LRRC49: variants seen among roughly 807,000 people sequenced by gnomAD.
LRRC49 encodes leucine-rich repeat-containing protein 49.
LRRC49 carries 50 observed loss-of-function variants against 83.3 expected under a neutral mutation model. That is an observed-to-expected ratio of 0.60 (90% CI 0.48 to 0.76). The LOEUF is 0.76. Ranked by LOEUF, LRRC49 falls within the 30% of genes least tolerant of loss-of-function variation. The probability of loss-of-function intolerance (pLI) is 0.00; values close to 1 mark genes in which losing one functional copy is unlikely to be tolerated. For missense variants in LRRC49, 704 were observed against 809.1 expected (o/e 0.87, Z 1.58); for synonymous variants, 286 against 283.3 (o/e 1.01, Z -0.10).
At chr15:70,878,730 G>T (rs748140946) in intron 2 of LRRC49, among the ~76,000 whole-genome samples, 1 of 152,170 alleles carries the variant, frequency 6.6e-6, no homozygotes, top group East Asian at 1.9e-4. Context: ...TTTCTCTTTC[G>T]TTCTCTTAAT....
At chr15:70,871,802 G>C (rs1446472529) in intron 1 of LRRC49, among the ~76,000 whole-genome samples, 3 of 150,494 alleles carry the variant, frequency 2.0e-5, no homozygotes, top group African/African-American at 4.9e-5. Flanking sequence ...CAGACGGGGC[G>C]GGGGGGTAGA....
chr15:71,015,818 T>C (rs2038806737), intron 14 of LRRC49, among the ~76,000 whole-genome samples: 1 of 152,240 alleles, frequency 6.6e-6, no homozygotes, highest in African/African-American at 2.4e-5. Context: ...TAATTTTCTT[T>C]ACATGAGCAC....
intron 2 of LRRC49, among the ~76,000 whole-genome samples, chr15:70,879,246 T>C (rs1352233997): frequency 1.3e-5 from 2 of 152,226 alleles, no homozygotes; most frequent in African/African-American, 4.8e-5. Context: ...TCCTCATGTC[T>C]CTTCATTATG....
chr15:70,854,115 G>A, intron 1 of LRRC49: 1 of 1,237,834 alleles, frequency 8.1e-7, no homozygotes, highest in Non-Finnish European at 1.0e-6. Context: ...GCGCCGCCGG[G>A]GTCCTCACGC....
At position 70,859,892 on chromosome 15, in the gene LRRC49, C is replaced by T. The variant is rs968545346; in HGVS notation, c.-299+6423C>T. The T allele has an allele frequency of 9.1e-6, 7 of 768,884 alleles. No homozygotes were observed. The African/African-American group carries it at 1.2e-4, about 13-fold the overall frequency. The allele number at this position is 768,884 out of a possible 1,614,324, so 47.6% of individuals were successfully genotyped here. On this transcript the variant is annotated intron_variant, in intron 1 of 16. Transcript: ENST00000544974. ...CATCAAAACTGCCACCTACAGGAAG[C>T]TGCTGGAGGGTGAGGAGAGCCGGCT... is the stretch of plus-strand genomic sequence containing the variant.
chr15:71,004,375 G>A (rs2038378680), intron 11 of LRRC49, among the ~76,000 whole-genome samples: 1 of 152,106 alleles, frequency 6.6e-6, no homozygotes, highest in African/African-American at 2.4e-5. Context: ...CAATCTAAAT[G>A]CCCATCAGTG....
At chr15:70,857,673 C>T (rs1041984387) in intron 1 of LRRC49, among the ~76,000 whole-genome samples, 1 of 152,158 alleles carries the variant, frequency 6.6e-6, no homozygotes, top group African/African-American at 2.4e-5. Context: ...CTAGGAAAGA[C>T]AGCCTTCAAT....
chr15:70,882,667 A>G lies in LRRC49; in HGVS notation c.18+9444A>G, dbSNP rs150292756. The G allele has an allele frequency of 2.4e-3, 3,942 of 1,612,760 alleles. 104 individuals are homozygous for G. In the African/African-American group the frequency reaches 0.046, roughly 19 times the overall value. Reference sequence around the variant, plus strand: ...CTTGAATACCTGAAAGAGAATAAGCATAAGTACCTATGAGTTAGACTTTGC... The same window carrying G: ...CTTGAATACCTGAAAGAGAATAAGCGTAAGTACCTATGAGTTAGACTTTGC... On this transcript the variant is annotated intron_variant, in intron 2 of 16. Transcript: ENST00000544974.
intron 2 of LRRC49, among the ~76,000 whole-genome samples, chr15:70,879,707 C>T (rs78009201): frequency 0.029 from 4,396 of 152,254 alleles, 214 homozygotes; most frequent in African/African-American, 0.1. Flanking sequence ...TTCACTCTGG[C>T]AGCACTGAAT....
intron 8 of LRRC49, among the ~76,000 whole-genome samples, chr15:70,946,377 A>G (rs1332788114): frequency 2.0e-5 from 3 of 152,290 alleles, no homozygotes; most frequent in Middle Eastern, 6.8e-3. Context: ...TTCACTTAGC[A>G]TAATATCCTC....
Position 70,980,103 on chromosome 15 carries a change from A to G in LRRC49, c.924A>G (p.Glu308=). ...ACTTTTCGGAAAATGTCTTTTAGGA[A>G]GAAGAAAGGCGTATGGCATCTGTTT... ...LRQLDMKRIT[E]EERRMASVLA... The change falls in exon 10 of 16, where the codon GAA becomes GAG. Residue 308 remains glutamate (E), a splice_region_variant and synonymous_variant. Coordinates refer to ENST00000260382, the MANE Select transcript of LRRC49 (RefSeq NM_017691.5). 3.7e-6 allele frequency: 6 copies of G among 1,601,288 alleles called. No individual in the cohort carries two copies. The highest frequency in any genetic ancestry group is 4.3e-6 in the Non-Finnish European group (5 of 1,173,892).
intron 9 of LRRC49, among the ~76,000 whole-genome samples, chr15:70,970,571 C>A (rs1203955472): frequency 6.6e-6 from 1 of 152,136 alleles, no homozygotes; most frequent in African/African-American, 2.4e-5. Context: ...ACCTGCTCCT[C>A]TTTGTACCTC....
chr15:70,963,700 A>T, intron 8 of LRRC49, 85 bp from the exon 9 acceptor site: 1 of 1,444,936 alleles, frequency 6.9e-7, no homozygotes, highest in Non-Finnish European at 9.4e-7. Flanking sequence ...TAAATCTAAA[A>T]CTGTGCTAAA....
intron 7 of LRRC49, among the ~76,000 whole-genome samples, chr15:70,920,971 T>C (rs1204959678): frequency 1.3e-5 from 2 of 152,194 alleles, no homozygotes; most frequent in Non-Finnish European, 2.9e-5. Flanking sequence ...CCAGTATCAG[T>C]TACCACACTT....
intron 3 of LRRC49, among the ~76,000 whole-genome samples, chr15:70,897,373 T>C (rs986846591): frequency 6.6e-6 from 1 of 152,194 alleles, no homozygotes; most frequent in Admixed American, 6.5e-5. Flanking sequence ...TGGTTTTTCA[T>C]TTAAAAAATT....
rs571962497 is a variant in LRRC49, at chr15:70,863,170, C to T, written c.-299+9701C>T. Among the ~76,000 whole-genome samples, 24 of 152,316 alleles carry T rather than the reference C, an allele frequency of 1.6e-4. 1 individual carries two copies. In the South Asian group the frequency reaches 3.9e-3, roughly 25 times the overall value. On this transcript the variant is annotated intron_variant, in intron 1 of 16. Coordinates refer to the LRRC49 transcript ENST00000544974. ...GAGGCAAACTGAAATTCAAGGACCA[C>T]GGGCATCAGAATTACTAAGGAACTT... is the stretch of plus-strand genomic sequence containing the variant.
chr15:70,860,930 G>A (rs889951741), intron 1 of LRRC49, among the ~76,000 whole-genome samples: 6 of 152,198 alleles, frequency 3.9e-5, no homozygotes, highest in Non-Finnish European at 8.8e-5. Context: ...GCCCTTCTGG[G>A]TTGTGTGTCT....
chr15:70,974,411 G>T (rs2141213475), intron 9 of LRRC49, among the ~76,000 whole-genome samples: 1 of 152,280 alleles, frequency 6.6e-6, no homozygotes, highest in Admixed American at 6.5e-5. Flanking sequence ...ATGAAGTAAT[G>T]GATTAATGCC....
chr15:71,043,602 T>C (rs1436350499), intron 15 of LRRC49, among the ~76,000 whole-genome samples: 2 of 152,208 alleles, frequency 1.3e-5, no homozygotes, highest in Non-Finnish European at 2.9e-5. Context: ...TGATGACTTA[T>C]AGGGCATATT....
Sources: gnomAD v4.1 joint callset for allele counts (sites outside exome capture counted in the v4.1 genomes callset) on GRCh38, gnomAD v4.1.1 for gene constraint, MANE v1.5 for transcripts, NCBI Gene and HGNC (gene_info 2026-07-23, HGNC 2026-07-21) for gene names.